The following ADAM17 variants were observed in gnomAD, a reference collection of about 807,000 sequenced individuals.
ADAM17 encodes disintegrin and metalloproteinase domain-containing protein 17.
A neutral mutation model predicts 96.7 loss-of-function variants in ADAM17; 39 were observed. That is an observed-to-expected ratio of 0.40 (90% CI 0.31 to 0.53). The LOEUF (loss-of-function observed/expected upper bound fraction) is 0.53, where lower values mean the gene tolerates loss of function less well. Among genes scored for constraint, ADAM17 ranks in the 20% least tolerant of loss-of-function variants. ADAM17 has a pLI of 0.44. For synonymous variants in ADAM17, 344 were observed against 359.2 expected (o/e 0.96, Z 0.48); for missense variants, 777 against 1,013.2 (o/e 0.77, Z 3.17).
intron 1 of ADAM17, among the ~76,000 whole-genome samples, chr2:9,544,360 C>T (rs970793962): frequency 6.6e-6 from 1 of 151,574 alleles, no homozygotes; most frequent in Non-Finnish European, 1.5e-5. Flanking sequence ...TGGTGAAACC[C>T]TGTCTCTACT....
At chr2:9,531,565 AG>A (rs1471407906) in intron 4 of ADAM17, among the ~76,000 whole-genome samples, 1 of 152,142 alleles carries the variant, frequency 6.6e-6, no homozygotes, top group Admixed American at 6.5e-5. Context: ...AGCCGGGCAC[AG>A]TGGCGTGTGC....
intron 16 of ADAM17, 118 bp from the exon 17 acceptor site, chr2:9,493,104 C>T (rs577606519): frequency 1.7e-4 from 136 of 778,582 alleles, no homozygotes; most frequent in Non-Finnish European, 2.1e-4. Context: ...GACATACTAC[C>T]GAGAGCAGAA....
intron 4 of ADAM17, among the ~76,000 whole-genome samples, chr2:9,535,082 T>G (rs1664907316): frequency 6.6e-6 from 1 of 152,214 alleles, no homozygotes; most frequent in Admixed American, 6.5e-5. Flanking sequence ...TCATGTAGAT[T>G]GGATATAATT....
intron 10 of ADAM17, among the ~76,000 whole-genome samples, chr2:9,517,615 G>A (rs931097542): frequency 1.3e-5 from 2 of 152,200 alleles, no homozygotes; most frequent in African/African-American, 4.8e-5. Flanking sequence ...AGGACTAGGA[G>A]ACAGGGAGCT....
intron 6 of ADAM17, among the ~76,000 whole-genome samples, chr2:9,523,839 A>C (rs967428037): frequency 6.6e-6 from 1 of 151,790 alleles, no homozygotes; most frequent in African/African-American, 2.4e-5. Context: ...ACTTCCACTT[A>C]GTGAATAGTA....
In ADAM17 at chr2:9,502,205, T is replaced by C. The variant is rs755721769; in HGVS notation, c.1616A>G (p.Asn539Ser). ...TAQKKCQEAI[N>S]ATCKGVSYCT... Reference sequence around the variant, plus strand: ...GTAGGACACGCCTTTGCAAGTAGCATTAATCGCCTCCTGGCACTTCTTCTG... The same window carrying C: ...GTAGGACACGCCTTTGCAAGTAGCACTAATCGCCTCCTGGCACTTCTTCTG... Residue 539 changes from asparagine to serine, a missense_variant, in exon 13 of 19, where the codon AAT (asparagine) becomes AGT (serine). By Grantham distance (46) the Asn-to-Ser change is conservative (BLOSUM62 1). This residue lies in a region of ADAM17 where 446 missense variants were observed against 664.7 expected (regional missense o/e 0.67). Coordinates refer to ENST00000310823, the MANE Select transcript of ADAM17 (RefSeq NM_003183.6). The C allele has an allele frequency of 1.9e-6, 3 of 1,614,122 alleles. No homozygotes were observed. Among genetic ancestry groups the C allele is most frequent in the East Asian group, 2.2e-5 (1 of 44,888 alleles).
chr2:9,514,845 A>T (rs1165209331), intron 10 of ADAM17, among the ~76,000 whole-genome samples: 3 of 152,062 alleles, frequency 2.0e-5, no homozygotes, highest in Non-Finnish European at 2.9e-5. Context: ...ATTGCACTCC[A>T]GCATGGGAGA....
chr2:9,533,079 C>T (rs907325126), intron 4 of ADAM17, among the ~76,000 whole-genome samples: 2 of 151,946 alleles, frequency 1.3e-5, no homozygotes, highest in African/African-American at 4.8e-5. Context: ...ATTCCAGCTA[C>T]TCAAGGGACT....
chr2:9,493,043 G>A (rs550239502), intron 16 of ADAM17, 57 bp from the exon 17 acceptor site: 3 of 1,398,226 alleles, frequency 2.1e-6, no homozygotes, highest in Admixed American at 3.9e-5. Context: ...AATCTAAAGT[G>A]AAATGCTCTT....
chr2:9,541,482 G>A (rs753898271), intron 2 of ADAM17, among the ~76,000 whole-genome samples: 14 of 152,202 alleles, frequency 9.2e-5, no homozygotes, highest in Non-Finnish European at 1.9e-4. Context: ...AGAACTGCTT[G>A]AACCCGAGAG....
intron 1 of ADAM17, among the ~76,000 whole-genome samples, chr2:9,550,063 C>T (rs1025399132): frequency 8.5e-5 from 13 of 152,116 alleles, no homozygotes; most frequent in African/African-American, 3.1e-4. Flanking sequence ...GCTGAAGACA[C>T]AGGAGCCTTC....
At chr2:9,524,421 T>C (rs1041367334) in intron 6 of ADAM17, among the ~76,000 whole-genome samples, 4 of 151,714 alleles carry the variant, frequency 2.6e-5, no homozygotes, top group Non-Finnish European at 5.9e-5. Flanking sequence ...GCCCGGGCAA[T>C]AGAGGCTGCA....
In ADAM17 at chr2:9,525,035, C is replaced by A. The variant is rs368842977; in HGVS notation, c.753+1076G>T. On this transcript the variant is annotated intron_variant, in intron 6 of 18. Coordinates refer to ENST00000310823, the MANE Select transcript of ADAM17 (RefSeq NM_003183.6). ...GAACAAAGAAGTAAAATAAGAGGAG[C>A]CCCTTAATATAAAACCCAGATTAAG... 8.1e-5 allele frequency among the ~76,000 whole-genome samples: 12 copies of A among 147,422 alleles called. No homozygotes were observed. The East Asian group carries it at 1.5e-3, about 19-fold the overall frequency.
At chr2:9,522,393 T>C in intron 7 of ADAM17, 1 of 567,018 alleles carries the variant, frequency 1.8e-6, no homozygotes, top group South Asian at 2.3e-5. Flanking sequence ...AGACTTACTT[T>C]TCACTGGCTT....
intron 1 of ADAM17, among the ~76,000 whole-genome samples, chr2:9,548,521 A>G (rs1185855669): frequency 1.3e-5 from 2 of 151,980 alleles, no homozygotes; most frequent in African/African-American, 2.4e-5. Context: ...AGAGGGGCTG[A>G]TATCAGGAGA....
intron 7 of ADAM17, among the ~76,000 whole-genome samples, chr2:9,522,885 T>A (rs1482361161): frequency 2.6e-5 from 4 of 152,188 alleles, no homozygotes; most frequent in African/African-American, 9.7e-5. Flanking sequence ...GTACACAGTA[T>A]TTTTTAGTAA....
At chr2:9,502,861 AAGAG>A (rs1475501420) in intron 12 of ADAM17, among the ~76,000 whole-genome samples, 13 of 141,132 alleles carry the variant, frequency 9.2e-5, no homozygotes, top group Non-Finnish European at 2.0e-4. Context: ...CCTAGGCAAC[AAGAG>A]AGAAATTCTG....
chr2:9,494,885 T>C, intron 14 of ADAM17, 118 bp from the exon 15 acceptor site: 1 of 1,284,614 alleles, frequency 7.8e-7, no homozygotes, highest in Non-Finnish European at 1.1e-6. Context: ...TTATTTTTTA[T>C]TTAAATAGCT....
intron 10 of ADAM17, chr2:9,512,351 T>C (rs1442792929): frequency 6.6e-6 from 1 of 152,254 alleles, no homozygotes; most frequent in East Asian, 1.9e-4. Context: ...AAATATGTCA[T>C]GAAATCAAGC....
Sources: gnomAD v4.1 joint callset for allele counts (sites outside exome capture counted in the v4.1 genomes callset) on GRCh38, gnomAD v4.1.1 for gene constraint, gnomAD v4.1.1 regional missense constraint, MANE v1.5 for transcripts, NCBI Gene and HGNC (gene_info 2026-07-23, HGNC 2026-07-21) for gene names.